Variants in CDYL observed in about 807,000 individuals in gnomAD.
CDYL encodes the protein chromodomain Y-like protein.
A neutral mutation model predicts 47.3 loss-of-function variants in CDYL; 8 were observed. That is an observed-to-expected ratio of 0.17 (90% CI 0.10 to 0.31). CDYL has a LOEUF of 0.31. CDYL is among the 10% of genes least tolerant of loss of function. The pLI is 1.00. For missense variants in CDYL, 471 were observed against 701.4 expected, an observed-to-expected ratio of 0.67 and a Z score of 3.71; for synonymous variants, 266 against 265.0, an observed-to-expected ratio of 1.00 and a Z score of -0.04.
intron 2 of CDYL, among the ~76,000 whole-genome samples, chr6:4,919,239 T>C (rs1026585085): frequency 6.6e-6 from 1 of 152,154 alleles, no homozygotes; most frequent in East Asian, 1.9e-4. Flanking sequence ...CTACACTGGG[T>C]ACATGTGTGG....
chr6:4,850,982 G>C (rs1180669367), intron 1 of CDYL, among the ~76,000 whole-genome samples: 1 of 152,174 alleles, frequency 6.6e-6, no homozygotes, highest in African/African-American at 2.4e-5. Context: ...ACATGGCAAT[G>C]ACTAATTAAA....
intron 2 of CDYL, among the ~76,000 whole-genome samples, chr6:4,729,479 A>G (rs1333148268): frequency 1.3e-5 from 2 of 151,890 alleles, no homozygotes; most frequent in African/African-American, 4.9e-5. Flanking sequence ...CAGGTTATAC[A>G]TTGCTTTAGA....
At chr6:4,788,165 G>A (rs190090491) in intron 1 of CDYL, among the ~76,000 whole-genome samples, 257 of 152,198 alleles carry the variant, frequency 1.7e-3, no homozygotes, top group African/African-American at 6.0e-3. Context: ...GCAGGAAAGG[G>A]ACATGACTTG....
At chr6:4,806,704 G>A (rs1382611391) in intron 1 of CDYL, among the ~76,000 whole-genome samples, 1 of 152,190 alleles carries the variant, frequency 6.6e-6, no homozygotes, top group Admixed American at 6.5e-5. Context: ...CGGTTCCTCA[G>A]TCTTTCCTTC....
intron 1 of CDYL, among the ~76,000 whole-genome samples, chr6:4,821,260 C>CTTTTTTTTTTTTT (rs1176819548): frequency 9.9e-5 from 6 of 60,380 alleles, no homozygotes; most frequent in African/African-American, 2.2e-4. Flanking sequence ...TATGGGAATT[C>CTTTTTTTTTTTTT]TTTTTTTTTT....
At chr6:4,767,357 G>A (rs1758271553) in intron 3 of CDYL, among the ~76,000 whole-genome samples, 1 of 151,992 alleles carries the variant, frequency 6.6e-6, no homozygotes, top group Non-Finnish European at 1.5e-5. Context: ...GGTGGATCAC[G>A]AGCTCAGGAG....
At chr6:4,732,002 A>T (rs1757613873) in intron 2 of CDYL, among the ~76,000 whole-genome samples, 1 of 152,118 alleles carries the variant, frequency 6.6e-6, no homozygotes, top group African/African-American at 2.4e-5. Context: ...AATTTTAAAT[A>T]TGTGATAATT....
At chr6:4,843,480 C>G (rs1029065823) in intron 1 of CDYL, among the ~76,000 whole-genome samples, 2 of 150,010 alleles carry the variant, frequency 1.3e-5, no homozygotes, top group South Asian at 2.1e-4. Context: ...GGCCATTTAA[C>G]ATAATCCCCA....
At chr6:4,709,919 T>C (rs2127405881) in intron 1 of CDYL, among the ~76,000 whole-genome samples, 1 of 152,236 alleles carries the variant, frequency 6.6e-6, no homozygotes, top group Non-Finnish European at 1.5e-5. Context: ...TAGCATTTTT[T>C]CCCCTTAAAA....
chr6:4,878,574 G>C (rs1366405224), intron 1 of CDYL, among the ~76,000 whole-genome samples: 1 of 151,820 alleles, frequency 6.6e-6, no homozygotes, highest in African/African-American at 2.4e-5. Flanking sequence ...GAATTTATTG[G>C]TATAATGTTT....
At chr6:4,772,087 G>A (rs1023881217), upstream of CDYL, among the ~76,000 whole-genome samples, 30 of 152,186 alleles carry the variant, frequency 2.0e-4, no homozygotes, top group African/African-American at 6.5e-4. Context: ...AAAAGGAACC[G>A]TACTTAAACA....
At chr6:4,762,048 G>A (rs138393542) in intron 3 of CDYL, among the ~76,000 whole-genome samples, 65 of 152,286 alleles carry the variant, frequency 4.3e-4, no homozygotes, top group Middle Eastern at 3.4e-3. Context: ...ACCAGAAGGC[G>A]GAGAGAACAA....
chr6:4,912,938 A>G (rs1330980626), intron 2 of CDYL, among the ~76,000 whole-genome samples: 1 of 152,144 alleles, frequency 6.6e-6, no homozygotes, highest in African/African-American at 2.4e-5. Flanking sequence ...TGGGGGTTAC[A>G]TTTCAGGATG....
At chr6:4,722,593 C>T (rs1294036221) in intron 2 of CDYL, among the ~76,000 whole-genome samples, 3 of 151,534 alleles carry the variant, frequency 2.0e-5, no homozygotes, top group Non-Finnish European at 4.4e-5. Flanking sequence ...GTCCACAGTT[C>T]ATGCCAGGCA....
intron 5 of CDYL, among the ~76,000 whole-genome samples, chr6:4,949,212 G>A (rs1466096294): frequency 1.3e-5 from 2 of 152,174 alleles, no homozygotes; most frequent in African/African-American, 2.4e-5. Context: ...ACGGTCTGAC[G>A]CCCACAGGCT....
At chr6:4,719,604 G>A (rs1238607327) in intron 2 of CDYL, among the ~76,000 whole-genome samples, 3 of 152,140 alleles carry the variant, frequency 2.0e-5, no homozygotes, top group Admixed American at 1.3e-4. Flanking sequence ...ATGACTTCCA[G>A]AGCCAAGGAA....
chr6:4,786,110 C>T (rs1758748856), intron 1 of CDYL, among the ~76,000 whole-genome samples: 1 of 152,152 alleles, frequency 6.6e-6, no homozygotes, highest in South Asian at 2.1e-4. Context: ...CACCCAAGTT[C>T]TCCAGACGGC....
chr6:4,792,433 A>AT (rs202226393), intron 1 of CDYL, among the ~76,000 whole-genome samples: 2,411 of 137,820 alleles, frequency 0.017, 53 homozygotes, highest in African/African-American at 0.052. Context: ...TTAAAAAAAA[A>AT]TTTTTTTTTT....
intron 1 of CDYL, among the ~76,000 whole-genome samples, chr6:4,844,998 C>T (rs116373859): frequency 0.023 from 3,503 of 152,044 alleles, 140 homozygotes; most frequent in African/African-American, 0.08. Flanking sequence ...TTTATCCAAT[C>T]AAAAATAGAA....
Sources: gnomAD v4.1 joint callset for allele counts (sites outside exome capture counted in the v4.1 genomes callset) on GRCh38, gnomAD v4.1.1 for gene constraint, MANE v1.5 for transcripts, NCBI Gene and HGNC (gene_info 2026-07-23, HGNC 2026-07-21) for gene names.